Variants in CDK14 observed in about 807,000 individuals in gnomAD.
CDK14 encodes cyclin dependent kinase 14.
A neutral mutation model predicts 60.7 loss-of-function variants in CDK14; 34 were observed. That is an observed-to-expected ratio of 0.56 (90% CI 0.43 to 0.75). The LOEUF (loss-of-function observed/expected upper bound fraction) is 0.75. Among genes scored for constraint, CDK14 ranks in the 30% least tolerant of loss-of-function variants. The probability of loss-of-function intolerance (pLI) is 0.00; values close to 1 mark genes in which losing one functional copy is unlikely to be tolerated. For missense variants in CDK14, 482 were observed against 564.1 expected (o/e 0.85, Z 1.47); for synonymous variants, 197 against 203.7 (o/e 0.97, Z 0.28).
intron 5 of CDK14, among the ~76,000 whole-genome samples, chr7:90,833,647 ATTG>A (rs1028486816): frequency 7.9e-5 from 12 of 152,150 alleles, no homozygotes; most frequent in Admixed American, 7.2e-4. Context: ...TCCTTGATTT[ATTG>A]TTGGATAAAG....
chr7:90,931,827 G>A (rs956005361), intron 8 of CDK14, among the ~76,000 whole-genome samples: 1 of 151,594 alleles, frequency 6.6e-6, no homozygotes, highest in East Asian at 1.9e-4. Flanking sequence ...TATTGTTTTG[G>A]GTCTTAGAGG....
chr7:90,836,417 T>G (rs1181218097), intron 5 of CDK14, among the ~76,000 whole-genome samples: 1 of 152,126 alleles, frequency 6.6e-6, no homozygotes, highest in African/African-American at 2.4e-5. Context: ...CACAGTAGCC[T>G]TGGATTCATG....
intron 2 of CDK14, among the ~76,000 whole-genome samples, chr7:90,721,521 T>C (rs898331836): frequency 6.6e-6 from 1 of 152,212 alleles, no homozygotes; most frequent in African/African-American, 2.4e-5. Context: ...TTTGTCCTTC[T>C]AGCACGATCC....
intron 10 of CDK14, among the ~76,000 whole-genome samples, chr7:91,010,429 T>C (rs1214500399): frequency 6.6e-6 from 1 of 152,146 alleles, no homozygotes; most frequent in Non-Finnish European, 1.5e-5. Flanking sequence ...TATTCTATAA[T>C]ATCTCAGCAG....
intron 2 of CDK14, chr7:90,709,577 G>T (rs1801986484): frequency 1.9e-6 from 3 of 1,613,110 alleles, no homozygotes; most frequent in Non-Finnish European, 2.5e-6. Context: ...CTGCTGCAGA[G>T]CCCGGTTACT....
intron 10 of CDK14, among the ~76,000 whole-genome samples, chr7:90,991,994 G>A (rs1795552825): frequency 6.6e-6 from 1 of 152,188 alleles, no homozygotes; most frequent in African/African-American, 2.4e-5. Flanking sequence ...AGTCTATGTG[G>A]AAGAAAAGTG....
chr7:90,705,684 C>T (rs995939848), intron 2 of CDK14, among the ~76,000 whole-genome samples: 2 of 149,676 alleles, frequency 1.3e-5, no homozygotes, highest in Non-Finnish European at 3.0e-5. Context: ...GCTGAGGAAG[C>T]CTGTAGCAAG....
At chr7:91,089,716 CG>C (rs1375178617) in intron 12 of CDK14, among the ~76,000 whole-genome samples, 2 of 152,096 alleles carry the variant, frequency 1.3e-5, no homozygotes, top group Non-Finnish European at 2.9e-5. Context: ...CTCTCTGCCA[CG>C]TTAGGTGTCT....
chr7:91,079,407 T>A (rs1254825110), intron 11 of CDK14, 25 bp from the exon 12 acceptor site: 1 of 1,487,686 alleles, frequency 6.7e-7, no homozygotes, highest in East Asian at 2.3e-5. Flanking sequence ...CAAAGATTGT[T>A]TATCATTTTT....
intron 8 of CDK14, among the ~76,000 whole-genome samples, chr7:90,934,968 G>A (rs1473960012): frequency 1.3e-5 from 2 of 152,324 alleles, no homozygotes; most frequent in East Asian, 3.9e-4. Context: ...GCTATCACAG[G>A]ATAGTACAGA....
intron 14 of CDK14, among the ~76,000 whole-genome samples, chr7:91,137,265 T>C (rs982799325): frequency 1.2e-4 from 19 of 152,152 alleles, no homozygotes; most frequent in African/African-American, 3.6e-4. Flanking sequence ...CATGTCTGAA[T>C]TGGGGGGACC....
At chr7:91,191,117 C>T (rs2115939214) in intron 14 of CDK14, among the ~76,000 whole-genome samples, 1 of 152,284 alleles carries the variant, frequency 6.6e-6, no homozygotes, top group South Asian at 2.1e-4. Flanking sequence ...CACGACCCCA[C>T]TTTTCTGCTC....
chr7:90,835,646 G>T (rs984983682), intron 5 of CDK14, among the ~76,000 whole-genome samples: 1 of 152,094 alleles, frequency 6.6e-6, no homozygotes, highest in African/African-American at 2.4e-5. Context: ...TCCTCCTCCT[G>T]CTCCTCTCTC....
At chr7:91,043,610 T>G (rs1289087987) in intron 10 of CDK14, among the ~76,000 whole-genome samples, 1 of 152,208 alleles carries the variant, frequency 6.6e-6, no homozygotes, top group African/African-American at 2.4e-5. Flanking sequence ...AGACAATGCT[T>G]TTGTCTCTTT....
chr7:90,945,708 G>A (rs536189422), intron 8 of CDK14, among the ~76,000 whole-genome samples: 11 of 152,126 alleles, frequency 7.2e-5, no homozygotes, highest in South Asian at 2.1e-4. Flanking sequence ...GTAATTACAC[G>A]CTCATTAAGG....
At position 90,941,519 on chromosome 7, in the gene CDK14, A is replaced by G. The variant is rs528046589; in HGVS notation, c.827-14178A>G. The stretch of plus-strand genomic sequence containing the variant: ...AGACAGGGTAAAGAGCGGTGGTGCA[A>G]TCATAGCTCACTGCAGCCTTATATT... On this transcript the variant is annotated intron_variant, in intron 8 of 14. Coordinates refer to ENST00000380050, the MANE Select transcript of CDK14 (RefSeq NM_001287135.2). 6.6e-5 allele frequency among the ~76,000 whole-genome samples: 10 copies of G among 152,182 alleles called. No homozygotes were observed. In the South Asian group the frequency reaches 1.5e-3, roughly 22 times the overall value.
At chr7:90,883,764 G>C (rs1435395648) in intron 6 of CDK14, among the ~76,000 whole-genome samples, 1 of 152,096 alleles carries the variant, frequency 6.6e-6, no homozygotes, top group African/African-American at 2.4e-5. Flanking sequence ...TTCATCCCTG[G>C]GATGCAAGGC....
chr7:90,703,462 T>C (rs1801832320), intron 2 of CDK14, among the ~76,000 whole-genome samples: 2 of 152,190 alleles, frequency 1.3e-5, no homozygotes, highest in African/African-American at 4.8e-5. Context: ...CCCATGCATT[T>C]TAGATATCAC....
At chr7:90,701,559 C>T (rs1280749496) in intron 2 of CDK14, among the ~76,000 whole-genome samples, 2 of 152,268 alleles carry the variant, frequency 1.3e-5, no homozygotes, top group South Asian at 4.1e-4. Context: ...TTGTATCTCC[C>T]TTTCCTAGAG....
Sources: allele counts gnomAD v4.1 joint callset (sites outside exome capture counted in the v4.1 genomes callset), GRCh38; gene constraint gnomAD v4.1.1; transcripts MANE v1.5; gene names NCBI Gene and HGNC (gene_info 2026-07-23, HGNC 2026-07-21).